GBE1: variants seen among roughly 807,000 people sequenced by gnomAD.
GBE1 encodes the protein 1,4-alpha-glucan branching enzyme 1, also known as 1,4-alpha-glucan-branching enzyme.
In GBE1, 70 loss-of-function variants were observed where a neutral mutation model predicts 88.8. That is an observed-to-expected ratio of 0.79 (90% CI 0.65 to 0.96). The LOEUF is 0.96. Ranked by LOEUF, GBE1 falls within the 40% of genes least tolerant of loss-of-function variation. GBE1 has a pLI of 0.00. For synonymous variants in GBE1, 284 were observed against 300.1 expected, an observed-to-expected ratio of 0.95 and a Z score of 0.56; for missense variants, 872 against 871.0, an observed-to-expected ratio of 1.00 and a Z score of -0.01.
intron 14 of GBE1, among the ~76,000 whole-genome samples, chr3:81,521,095 GC>G (rs1050931113): frequency 1.1e-4 from 16 of 151,432 alleles, no homozygotes; most frequent in African/African-American, 3.4e-4. Context: ...TTTTGGGATG[GC>G]AGTCACCATC....
At chr3:81,589,751 T>C (rs1350354522) in intron 9 of GBE1, among the ~76,000 whole-genome samples, 1 of 152,098 alleles carries the variant, frequency 6.6e-6, no homozygotes, top group Non-Finnish European at 1.5e-5. Flanking sequence ...ATTTGTCATT[T>C]GTAATATCTC....
intron 15 of GBE1, among the ~76,000 whole-genome samples, chr3:81,490,902 A>G (rs1702427842): frequency 6.6e-6 from 1 of 152,022 alleles, no homozygotes. Context: ...AAAAACTGAA[A>G]TGTAATACAA....
At chr3:81,657,766 ATC>A (rs1465383224) in intron 3 of GBE1, among the ~76,000 whole-genome samples, 2 of 152,104 alleles carry the variant, frequency 1.3e-5, no homozygotes, top group Admixed American at 1.3e-4. Flanking sequence ...TATTTTAGAA[ATC>A]TCTTTCTTTG....
At chr3:81,704,612 A>G (rs1253675599) in intron 2 of GBE1, among the ~76,000 whole-genome samples, 1 of 152,054 alleles carries the variant, frequency 6.6e-6, no homozygotes, top group East Asian at 1.9e-4. Context: ...AGTGAAATCA[A>G]ATTTTAAATA....
intron 3 of GBE1, among the ~76,000 whole-genome samples, chr3:81,661,262 C>T (rs569148749): frequency 1.3e-5 from 2 of 152,084 alleles, no homozygotes; most frequent in African/African-American, 4.8e-5. Context: ...TCACAGTACA[C>T]AGATACAAGA....
chr3:81,741,784 A>G (rs185741663), intron 1 of GBE1, among the ~76,000 whole-genome samples: 17 of 148,602 alleles, frequency 1.1e-4, no homozygotes, highest in Admixed American at 9.5e-4. Flanking sequence ...ACTCTACATA[A>G]TATATAGAGT....
chr3:81,616,561 A>C (rs982739036), intron 7 of GBE1, among the ~76,000 whole-genome samples: 3 of 152,076 alleles, frequency 2.0e-5, no homozygotes. Context: ...CAATATGTCT[A>C]TCCCTCCACT....
chr3:81,518,334 C>T (rs1231907426), intron 14 of GBE1, among the ~76,000 whole-genome samples: 1 of 149,282 alleles, frequency 6.7e-6, no homozygotes, highest in East Asian at 2.0e-4. Flanking sequence ...GATGGCTATT[C>T]AAAACAACAG....
intron 1 of GBE1, among the ~76,000 whole-genome samples, chr3:81,740,301 C>A (rs1327962640): frequency 6.6e-6 from 1 of 151,896 alleles, no homozygotes; most frequent in Non-Finnish European, 1.5e-5. Flanking sequence ...TTCTTTTCCA[C>A]TTTTGTCTAA....
intron 14 of GBE1, among the ~76,000 whole-genome samples, chr3:81,532,260 G>A (rs1489730839): frequency 1.3e-5 from 2 of 151,946 alleles, no homozygotes. Context: ...TGGTGTTCCT[G>A]TAGGGAGGAC....
At chr3:81,755,764 A>G (rs1219865694) in intron 1 of GBE1, among the ~76,000 whole-genome samples, 1 of 152,150 alleles carries the variant, frequency 6.6e-6, no homozygotes, top group African/African-American at 2.4e-5. Flanking sequence ...GCAGAAGCTA[A>G]AAAAGTGTTT....
rs1706690553 is a variant in GBE1, at chr3:81,761,524, C to T, written c.-7G>A. The T allele has an allele frequency of 6.2e-7, 1 of 1,601,418 alleles. No individual in the cohort carries two copies. The highest frequency in any genetic ancestry group is 8.5e-7 in the Non-Finnish European group (1 of 1,176,082). On this transcript the variant is annotated 5_prime_UTR_variant, in exon 1 of 16. Transcript: ENST00000429644. ...GAGTCATCGGAGCCGCCATATTCCG[C>T]CGCAGTCCAAGTAGCCGAGGCCCGA...
chr3:81,591,578 A>G (rs1469031747), intron 8 of GBE1, among the ~76,000 whole-genome samples: 1 of 152,092 alleles, frequency 6.6e-6, no homozygotes, highest in African/African-American at 2.4e-5. Flanking sequence ...CCATCATAAA[A>G]CTGAGACATA....
intron 2 of GBE1, among the ~76,000 whole-genome samples, chr3:81,704,922 G>T (rs1705751619): frequency 1.3e-5 from 2 of 152,032 alleles, no homozygotes; most frequent in Admixed American, 1.3e-4. Flanking sequence ...ATGCTGACAA[G>T]ATATTTCCCA....
chr3:81,490,994 C>T (rs1702428829), intron 15 of GBE1, among the ~76,000 whole-genome samples: 1 of 152,072 alleles, frequency 6.6e-6, no homozygotes, highest in Non-Finnish European at 1.5e-5. Flanking sequence ...CCATGGCATG[C>T]AAAGCCCTGA....
chr3:81,630,674 G>A (rs1559669457), intron 7 of GBE1, among the ~76,000 whole-genome samples: 1 of 152,108 alleles, frequency 6.6e-6, no homozygotes, highest in Non-Finnish European at 1.5e-5. Context: ...AAATTGAGAT[G>A]TGCCCTAAGT....
chr3:81,665,051 AAC>A (rs1277773495), intron 3 of GBE1, among the ~76,000 whole-genome samples: 5 of 152,202 alleles, frequency 3.3e-5, no homozygotes, highest in South Asian at 4.1e-4. Flanking sequence ...GGAAGTTTGC[AAC>A]AGTGTTTCAT....
intron 12 of GBE1, among the ~76,000 whole-genome samples, chr3:81,560,123 C>T (rs2106908121): frequency 6.6e-6 from 1 of 151,894 alleles, no homozygotes; most frequent in South Asian, 2.1e-4. Flanking sequence ...TTTATTTGTT[C>T]AACACATAAT....
intron 7 of GBE1, among the ~76,000 whole-genome samples, chr3:81,620,831 G>A (rs1704319910): frequency 6.6e-6 from 1 of 152,142 alleles, no homozygotes; most frequent in Non-Finnish European, 1.5e-5. Context: ...GATCTTCTAT[G>A]AAAGTTTCTT....
Sources: gnomAD v4.1 joint callset for allele counts (sites outside exome capture counted in the v4.1 genomes callset) on GRCh38, gnomAD v4.1.1 for gene constraint, MANE v1.5 for transcripts, NCBI Gene and HGNC (gene_info 2026-07-23, HGNC 2026-07-21) for gene names.